Variants in RUBCN observed in about 807,000 individuals in gnomAD.
The protein encoded by RUBCN is run domain Beclin-1-interacting and cysteine-rich domain-containing protein.
A neutral mutation model predicts 113.2 loss-of-function variants in RUBCN; 74 were observed. The observed-to-expected ratio is 0.65, with a 90% CI of 0.54 to 0.79. RUBCN has a LOEUF of 0.79. Ranked by LOEUF, RUBCN falls within the 30% of genes least tolerant of loss-of-function variation. RUBCN has a pLI of 0.00. For synonymous variants in RUBCN, 480 were observed against 490.0 expected (o/e 0.98, Z 0.27); for missense variants, 1,109 against 1,251.7 (o/e 0.89, Z 1.72).
chr3:197,705,976 C>CCTTG (rs1424810622), intron 2 of RUBCN, among the ~76,000 whole-genome samples: 13 of 152,154 alleles, frequency 8.5e-5, no homozygotes, highest in Non-Finnish European at 1.6e-4. Flanking sequence ...GATCTGCCCG[C>CCTTG]CTTGGGTCAC....
chr3:197,676,353 G>A (rs140138810), intron 18 of RUBCN: 174 of 993,012 alleles, frequency 1.8e-4, no homozygotes, highest in Middle Eastern at 1.5e-3. Flanking sequence ...CACTCTTGTC[G>A]CTCAGGCTGG....
chr3:197,681,747 T>C lies in RUBCN; in HGVS notation c.2191+88A>G. On this transcript the variant is annotated intron_variant, in intron 15 of 19. Coordinates refer to ENST00000296343, the MANE Select transcript of RUBCN (RefSeq NM_014687.4). The surrounding 1 kb of genome is among the most constrained non-coding windows in gnomAD (Gnocchi z 5.5). ...CTACTTCTGCCACGCCACCTCCTGC[T>C]ACCGCCTTTGACACGCCACCTCTCC... 8.4e-7 allele frequency: 1 copy of C among 1,193,968 alleles called. No homozygotes were observed. Among genetic ancestry groups the C allele is most frequent in the South Asian group, 1.2e-5 (1 of 82,532 alleles). 74.0% of individuals were successfully genotyped at this position (1,193,968 alleles called of 1,614,324 possible).
intron 5 of RUBCN, 89 bp from the exon 6 acceptor site, chr3:197,701,953 T>G: frequency 8.0e-7 from 1 of 1,244,008 alleles, no homozygotes; most frequent in Non-Finnish European, 1.2e-6. Flanking sequence ...AGAAATGCCA[T>G]AGAAGCTACC....
At chr3:197,714,147 T>A (rs563276500) in intron 2 of RUBCN, among the ~76,000 whole-genome samples, 2 of 152,244 alleles carry the variant, frequency 1.3e-5, no homozygotes, top group South Asian at 4.1e-4. Flanking sequence ...ATGGTGAAGC[T>A]GAGATTAAAA....
chr3:197,692,964 C>T (rs1375163684), intron 11 of RUBCN, among the ~76,000 whole-genome samples: 1 of 152,196 alleles, frequency 6.6e-6, no homozygotes, highest in Non-Finnish European at 1.5e-5. Flanking sequence ...AATGTTGTAA[C>T]AGAGAATTAT....
intron 1 of RUBCN, among the ~76,000 whole-genome samples, chr3:197,736,014 G>A (rs1359833572): frequency 6.6e-6 from 1 of 152,226 alleles, no homozygotes; most frequent in African/African-American, 2.4e-5. Flanking sequence ...CAGGTTTGAA[G>A]ACGAAAAGGA....
At chr3:197,742,050 G>A (rs1276718923) in intron 1 of RUBCN, among the ~76,000 whole-genome samples, 1 of 151,648 alleles carries the variant, frequency 6.6e-6, no homozygotes, top group Non-Finnish European at 1.5e-5. Flanking sequence ...GGCGCCCGCT[G>A]CCGCCTGGCT....
Position 197,675,337 on chromosome 3 carries a change from G to T in RUBCN, c.2740+85C>A. ...GCCCCGCGAGGTGCTGAGTGGCACC[G>T]AACTCTTGCTAACAGGGGTGGCTCT... is the stretch of plus-strand genomic sequence containing the variant. On this transcript the variant is annotated intron_variant, in intron 19 of 19. Coordinates refer to ENST00000296343, the MANE Select transcript of RUBCN (RefSeq NM_014687.4). The surrounding 1 kb of genome is among the most constrained non-coding windows in gnomAD (Gnocchi z 4.4). 1.3e-6 allele frequency: 2 copies of T among 1,506,992 alleles called. No homozygotes were observed. Among genetic ancestry groups the T allele is most frequent in the South Asian group, 2.3e-5 (2 of 88,666 alleles). The allele number at this position is 1,506,992 out of a possible 1,614,324, so 93.4% of individuals were successfully genotyped here. A position where few individuals can be genotyped will look rare whatever the true frequency, so the allele number is the denominator to read the frequency against.
intron 3 of RUBCN, 113 bp downstream of exon 3, chr3:197,704,979 G>A (rs920294003): frequency 2.4e-6 from 2 of 846,902 alleles, no homozygotes; most frequent in African/African-American, 3.4e-5. Context: ...TTCCTCAGCT[G>A]ATAGGCAACT....
intron 14 of RUBCN, among the ~76,000 whole-genome samples, 158 bp downstream of exon 14, chr3:197,682,312 C>T (rs867710284): frequency 1.3e-5 from 2 of 152,082 alleles, no homozygotes; most frequent in African/African-American, 2.4e-5. Context: ...GAGTAAGAAA[C>T]GAAGGACCAA....
intron 8 of RUBCN, among the ~76,000 whole-genome samples, 159 bp from the exon 9 acceptor site, chr3:197,696,140 A>G (rs1201804792): frequency 6.6e-6 from 1 of 152,158 alleles, no homozygotes; most frequent in African/African-American, 2.4e-5. Context: ...TTGGGAGGGC[A>G]AGGCAGGCGG....
At chr3:197,707,494 C>A (rs1177435376) in intron 2 of RUBCN, among the ~76,000 whole-genome samples, 1 of 151,848 alleles carries the variant, frequency 6.6e-6, no homozygotes, top group Non-Finnish European at 1.5e-5. Context: ...AGAAGTAGAC[C>A]AATTTAGGCA....
rs143296279 is a variant in RUBCN, at chr3:197,709,449, C to T, written c.220-4274G>A. On this transcript the variant is annotated intron_variant, in intron 2 of 19. Transcript: ENST00000296343. ...AAGCTGGAGTGCAATGGCGCGATCT[C>T]GGCTCACCGCAACCTCCACCTACCA... 5.7e-3 allele frequency among the ~76,000 whole-genome samples: 868 copies of T among 152,206 alleles called. 7 individuals carry two copies. The highest frequency in any genetic ancestry group is 0.017 in the South Asian group (83 of 4,824).
At chr3:197,716,809 A>G (rs1373467147) in intron 2 of RUBCN, among the ~76,000 whole-genome samples, 1 of 152,030 alleles carries the variant, frequency 6.6e-6, no homozygotes, top group Non-Finnish European at 1.5e-5. Flanking sequence ...AATGGTCCAT[A>G]AGGAGAGAAA....
At chr3:197,679,762 GCT>G (rs200606419) in intron 16 of RUBCN, among the ~76,000 whole-genome samples, 6,153 of 135,304 alleles carry the variant, frequency 0.045, 284 homozygotes, top group Middle Eastern at 0.068. Flanking sequence ...ACTGTCCTAC[GCT>G]CTGACAACTG....
At chr3:197,732,674 T>C (rs1560474346) in intron 1 of RUBCN, among the ~76,000 whole-genome samples, 1 of 152,056 alleles carries the variant, frequency 6.6e-6, no homozygotes, top group Non-Finnish European at 1.5e-5. Context: ...GGAGGGAAAG[T>C]GAAGTATCAT....
intron 1 of RUBCN, among the ~76,000 whole-genome samples, chr3:197,729,343 C>G (rs1039485218): frequency 6.6e-6 from 1 of 152,030 alleles, no homozygotes. Context: ...AGTTCTGCCT[C>G]CCGGGCTCAC....
chr3:197,705,336 G>A (rs1361494008), intron 2 of RUBCN, among the ~76,000 whole-genome samples, 161 bp from the exon 3 acceptor site: 2 of 152,096 alleles, frequency 1.3e-5, no homozygotes, highest in African/African-American at 2.4e-5. Context: ...CAGGGGTGGT[G>A]GCTCACACCT....
In RUBCN at chr3:197,675,996, A is replaced by AC. The variant is rs1042082395; in HGVS notation, c.2647-482dup. Among the ~76,000 whole-genome samples the AC allele has an allele frequency of 2.6e-5, 4 of 152,222 alleles. No individual in the cohort carries two copies. Among genetic ancestry groups the AC allele is most frequent in the African/African-American group, 9.7e-5 (4 of 41,446 alleles). Reference sequence around the variant, plus strand: ...GCCCAGCTCGAATTATGGGACGGTCACAGGAACATAAACTGGGCATAGGCT... The same window carrying AC: ...GCCCAGCTCGAATTATGGGACGGTCACCAGGAACATAAACTGGGCATAGGCT... On this transcript the variant is annotated intron_variant, in intron 18 of 19. Transcript: ENST00000296343. This position sits in a 1 kb window ranked among gnomAD's most constrained non-coding sequence, Gnocchi z 4.4.
Sources: gnomAD v4.1 joint callset for allele counts (sites outside exome capture counted in the v4.1 genomes callset) on GRCh38, gnomAD v4.1.1 for gene constraint, Gnocchi (gnomAD v3.1) non-coding constraint, MANE v1.5 for transcripts, NCBI Gene and HGNC (gene_info 2026-07-23, HGNC 2026-07-21) for gene names.